The following ELOVL6 variants were observed in gnomAD, a reference collection of about 807,000 sequenced individuals.
ELOVL6 encodes the protein very long chain fatty acid elongase 6.
In ELOVL6, 8 loss-of-function variants were observed where a neutral mutation model predicts 31.7. The ratio of observed to expected loss-of-function variants is 0.25; its 90% CI spans 0.15 to 0.45. ELOVL6 has a LOEUF of 0.45. Among genes scored for constraint, ELOVL6 ranks in the 20% least tolerant of loss-of-function variants. The pLI, the probability that ELOVL6 is intolerant of heterozygous loss-of-function variation, is 1.00. For synonymous variants in ELOVL6, 101 were observed against 117.7 expected, an observed-to-expected ratio of 0.86 and a Z score of 0.92; for missense variants, 126 against 326.4, an observed-to-expected ratio of 0.39 and a Z score of 4.73.
chr4:110,149,866 T>C (rs1457917790), intron 1 of ELOVL6, among the ~76,000 whole-genome samples: 6 of 152,208 alleles, frequency 3.9e-5, no homozygotes, highest in Non-Finnish European at 7.3e-5. Context: ...AAATAATTAA[T>C]AAATGTATTC....
At position 110,134,617 on chromosome 4, in the gene ELOVL6, G is replaced by A. The variant is rs567554515; in HGVS notation, c.90-28989C>T. ...CAACATGAAATAAAGGTTAGAGAAT[G>A]TTTGTGCAGAGAATGAAGACATTTG... is the stretch of plus-strand genomic sequence containing the variant. On this transcript the variant is annotated intron_variant, in intron 1 of 3. Transcript: ENST00000302274. Among the ~76,000 whole-genome samples, 4 of 152,208 alleles carry A rather than the reference G, an allele frequency of 2.6e-5. No homozygotes were observed. The South Asian group carries it at 8.3e-4, about 32-fold the overall frequency.
At chr4:110,141,587 C>A (rs1259133154) in intron 1 of ELOVL6, among the ~76,000 whole-genome samples, 1 of 151,298 alleles carries the variant, frequency 6.6e-6, no homozygotes, top group South Asian at 2.1e-4. Flanking sequence ...GCGATCCTAA[C>A]CTTGAGAATC....
At chr4:110,138,317 A>G (rs1242028221) in intron 1 of ELOVL6, among the ~76,000 whole-genome samples, 2 of 152,220 alleles carry the variant, frequency 1.3e-5, no homozygotes, top group Admixed American at 6.5e-5. Flanking sequence ...TAATTCCACA[A>G]ATCCTACTGG....
rs938162064 is a variant in ELOVL6 at position 110,047,050 on chromosome 4, T to C, written c.*4288A>G. On this transcript the variant is annotated 3_prime_UTR_variant, in exon 4 of 4. Coordinates refer to ENST00000302274, the MANE Select transcript of ELOVL6 (RefSeq NM_024090.3). ...ATGAACATAGGCTTTACGATCATCC[T>C]AAATTGAGAGCAAGGTATTTATTAT... 1.6e-4 allele frequency: 24 copies of C among 152,200 alleles called. No individual in the cohort carries two copies. The highest frequency in any genetic ancestry group is 5.8e-4 in the African/African-American group (24 of 41,460). The allele number at this position is 152,200 out of a possible 1,614,324, so 9.4% of individuals were successfully genotyped here. A position where few individuals can be genotyped will look rare whatever the true frequency, so the allele number is the denominator to read the frequency against.
chr4:110,113,227 C>CAA (rs754003099), intron 1 of ELOVL6, among the ~76,000 whole-genome samples: 14,162 of 107,240 alleles, frequency 0.13, 1,006 homozygotes, highest in South Asian at 0.2. Flanking sequence ...GACTCCGTCT[C>CAA]AAAAAAAAAA....
chr4:110,105,262 T>C (rs1280823470), intron 2 of ELOVL6, among the ~76,000 whole-genome samples: 2 of 152,182 alleles, frequency 1.3e-5, no homozygotes, highest in Admixed American at 6.5e-5. Context: ...GATTACTGCA[T>C]GACCAATTTG....
intron 1 of ELOVL6, among the ~76,000 whole-genome samples, chr4:110,187,801 G>T (rs886156071): frequency 2.6e-5 from 4 of 152,118 alleles, no homozygotes; most frequent in African/African-American, 9.7e-5. Context: ...GTACTGAATG[G>T]TCTAAGGCAT....
chr4:110,107,617 T>C (rs1334352176), intron 1 of ELOVL6, among the ~76,000 whole-genome samples: 3 of 152,330 alleles, frequency 2.0e-5, no homozygotes, highest in South Asian at 2.1e-4. Context: ...ATAAATTATA[T>C]ATTGCTTTAT....
chr4:110,108,984 G>C (rs1477032580), intron 1 of ELOVL6, among the ~76,000 whole-genome samples: 4 of 152,176 alleles, frequency 2.6e-5, no homozygotes, highest in Non-Finnish European at 5.9e-5. Flanking sequence ...ATATTGCTTA[G>C]AAGAAGGTAA....
At chr4:110,169,863 G>A (rs1225286539) in intron 1 of ELOVL6, among the ~76,000 whole-genome samples, 1 of 142,794 alleles carries the variant, frequency 7.0e-6, no homozygotes, top group African/African-American at 2.6e-5. Context: ...TGAGTGCAAT[G>A]GTGCGATCTC....
At chr4:110,113,086 G>A (rs966435658) in intron 1 of ELOVL6, among the ~76,000 whole-genome samples, 6 of 151,782 alleles carry the variant, frequency 4.0e-5, no homozygotes, top group Non-Finnish European at 5.9e-5. Flanking sequence ...AAATTAGCCA[G>A]GCGTGGTGGC....
chr4:110,078,363 G>A (rs981124208), intron 2 of ELOVL6, among the ~76,000 whole-genome samples: 1 of 152,336 alleles, frequency 6.6e-6, no homozygotes, highest in African/African-American at 2.4e-5. Flanking sequence ...TCCACGAAGG[G>A]AAGCCCATGA....
At chr4:110,166,570 G>A (rs1397043172) in intron 1 of ELOVL6, among the ~76,000 whole-genome samples, 1 of 152,090 alleles carries the variant, frequency 6.6e-6, no homozygotes, top group Non-Finnish European at 1.5e-5. Context: ...CCGAGATCGC[G>A]CCACTGCACT....
At chr4:110,178,561 A>G (rs536237903) in intron 1 of ELOVL6, among the ~76,000 whole-genome samples, 1 of 152,172 alleles carries the variant, frequency 6.6e-6, no homozygotes, top group East Asian at 1.9e-4. Context: ...TCTAAAAAAA[A>G]AAAAAGGAAA....
intron 2 of ELOVL6, among the ~76,000 whole-genome samples, chr4:110,066,957 C>T (rs1416238714): frequency 6.6e-6 from 1 of 152,022 alleles, no homozygotes; most frequent in Non-Finnish European, 1.5e-5. Context: ...GTGATGTTTC[C>T]CTCCCTGCGT....
chr4:110,190,179 C>A (rs562008768), intron 1 of ELOVL6, among the ~76,000 whole-genome samples: 1 of 151,928 alleles, frequency 6.6e-6, no homozygotes, highest in South Asian at 2.1e-4. Context: ...AAACTACTTA[C>A]AATCAGCATG....
intron 2 of ELOVL6, among the ~76,000 whole-genome samples, chr4:110,076,562 C>T (rs1402347041): frequency 6.6e-6 from 1 of 152,166 alleles, no homozygotes; most frequent in African/African-American, 2.4e-5. Flanking sequence ...TATATACCCT[C>T]TAGGTTTGTG....
intron 3 of ELOVL6, among the ~76,000 whole-genome samples, chr4:110,056,522 C>T (rs1052340600): frequency 1.3e-5 from 2 of 151,464 alleles, no homozygotes; most frequent in African/African-American, 2.4e-5. Flanking sequence ...GAACAATATC[C>T]CATATTTTAA....
intron 2 of ELOVL6, among the ~76,000 whole-genome samples, chr4:110,093,388 AC>A (rs1756479336): frequency 6.6e-6 from 1 of 152,190 alleles, no homozygotes; most frequent in African/African-American, 2.4e-5. Context: ...TCAAAAAGTG[AC>A]CACTGGACAG....
Sources: allele counts gnomAD v4.1 joint callset (sites outside exome capture counted in the v4.1 genomes callset), GRCh38; gene constraint gnomAD v4.1.1; transcripts MANE v1.5; gene names NCBI Gene and HGNC (gene_info 2026-07-23, HGNC 2026-07-21).